The following MICAL2 variants were observed in gnomAD, a reference collection of about 807,000 sequenced individuals.
MICAL2 encodes microtubule associated monooxygenase, calponin and LIM domain containing 2.
Under a neutral mutation model 127.3 loss-of-function variants are expected in MICAL2, and 77 were observed. That is an observed-to-expected ratio of 0.60 (90% CI 0.50 to 0.73). MICAL2 has a LOEUF of 0.73. Among genes scored for constraint, MICAL2 ranks in the 30% least tolerant of loss-of-function variants. MICAL2 has a pLI of 0.00. For missense variants in MICAL2, 1,351 were observed against 1,434.4 expected, an observed-to-expected ratio of 0.94 and a Z score of 0.94; for synonymous variants, 570 against 551.1, an observed-to-expected ratio of 1.03 and a Z score of -0.48.
intron 1 of MICAL2, among the ~76,000 whole-genome samples, chr11:12,134,575 C>T (rs1262571616): frequency 2.6e-5 from 4 of 152,182 alleles, no homozygotes; most frequent in Admixed American, 1.3e-4. Flanking sequence ...CTGGGTCTCA[C>T]TGGGTGTGCA....
chr11:12,195,694 G>T (rs564289471), intron 3 of MICAL2, among the ~76,000 whole-genome samples: 1 of 141,746 alleles, frequency 7.1e-6, no homozygotes, highest in South Asian at 2.4e-4. Context: ...TGTATTTTCT[G>T]CAATAGATTT....
chr11:12,151,367 G>A (rs1033920797), intron 2 of MICAL2, among the ~76,000 whole-genome samples: 3 of 152,036 alleles, frequency 2.0e-5, no homozygotes, highest in Non-Finnish European at 4.4e-5. Context: ...TGCAACAGTC[G>A]GGTAAGAGAC....
chr11:12,147,054 C>T (rs1852998403), intron 2 of MICAL2, among the ~76,000 whole-genome samples: 1 of 150,380 alleles, frequency 6.6e-6, no homozygotes, highest in Admixed American at 6.7e-5. Context: ...ATACCGGGGC[C>T]TGTTATGGGG....
intron 5 of MICAL2, 66 bp from the exon 6 acceptor site, chr11:12,209,431 C>CG (rs565441088): frequency 7.1e-6 from 9 of 1,270,242 alleles, no homozygotes; most frequent in Non-Finnish European, 1.0e-5. Context: ...AGCCACCACA[C>CG]GGGGGGTATA....
chr11:12,229,196 G>A (rs187072469), intron 15 of MICAL2, among the ~76,000 whole-genome samples: 6,808 of 152,240 alleles, frequency 0.045, 350 homozygotes, highest in African/African-American at 0.13. Flanking sequence ...ATGCTGCAGC[G>A]GCTGTTTTGC....
chr11:12,302,276 C>G (rs1565299301), intron 29 of MICAL2, among the ~76,000 whole-genome samples: 1 of 152,098 alleles, frequency 6.6e-6, no homozygotes, highest in African/African-American at 2.4e-5. Context: ...TAGCATATAC[C>G]TGGGGTGGAA....
chr11:12,211,216 C>T (rs1855415689), intron 6 of MICAL2, among the ~76,000 whole-genome samples: 1 of 152,054 alleles, frequency 6.6e-6, no homozygotes, highest in South Asian at 2.1e-4. Context: ...CCCATCTCTA[C>T]TAAAAACACA....
chr11:12,242,565 G>C lies in MICAL2; in HGVS notation c.2557-106G>C. The C allele has an allele frequency of 3.5e-6, 5 of 1,425,964 alleles. No homozygotes were observed. The South Asian group carries it at 5.9e-5, about 17-fold the overall frequency. 88.3% of individuals were successfully genotyped at this position (1,425,964 alleles called of 1,614,324 possible). On this transcript the variant is annotated intron_variant, in intron 19 of 27. Transcript: ENST00000683283. ...TCTCTCATCCTGCTGTGTGTGGTGA[G>C]CAGGCAAGGCCCCCGGCTGCCTCCC...
intron 30 of MICAL2, among the ~76,000 whole-genome samples, chr11:12,322,398 A>T (rs951064364): frequency 4.6e-5 from 7 of 152,290 alleles, no homozygotes; most frequent in African/African-American, 1.2e-4. Context: ...ATTGACAGTC[A>T]ATCTGGTAGT....
intron 32 of MICAL2, among the ~76,000 whole-genome samples, chr11:12,334,709 G>T (rs1381575759): frequency 6.7e-6 from 1 of 148,732 alleles, no homozygotes; most frequent in Non-Finnish European, 1.5e-5. Flanking sequence ...GTGGTGTTTG[G>T]TTTTTTTGTC....
intron 17 of MICAL2, 103 bp downstream of exon 17, chr11:12,239,688 C>T (rs1053748789): frequency 4.1e-5 from 57 of 1,391,300 alleles, no homozygotes; most frequent in Non-Finnish European, 5.2e-5. Flanking sequence ...AGGCCTGGTC[C>T]CAAGGAGACT....
chr11:12,337,834 T>C lies in MICAL2; in HGVS notation c.5515+10568T>C, dbSNP rs992853097. 1.7e-3 allele frequency among the ~76,000 whole-genome samples: 264 copies of C among 152,340 alleles called. 2 individuals are homozygous for C. The highest frequency in any genetic ancestry group is 2.1e-3 in the Admixed American group (32 of 15,298). ...GTCTGAGAGACAGTTTGTTATAATT[T>C]CTGTTCTTTTACATTTGCTGAGGAG... On this transcript the variant is annotated intron_variant, in intron 32 of 34. Coordinates refer to the MICAL2 transcript ENST00000646065.
chr11:12,208,281 G>T (rs1590355542), intron 5 of MICAL2, 142 bp downstream of exon 5: 4 of 553,668 alleles, frequency 7.2e-6, no homozygotes, highest in Non-Finnish European at 1.3e-5. Context: ...GTATTTTACT[G>T]TTTTTTTTTT....
At chr11:12,205,579 G>C (rs1374003383) in intron 4 of MICAL2, among the ~76,000 whole-genome samples, 1 of 152,198 alleles carries the variant, frequency 6.6e-6, no homozygotes, top group Non-Finnish European at 1.5e-5. Flanking sequence ...ACACTATGGG[G>C]AAAGCTCAAG....
intron 30 of MICAL2, among the ~76,000 whole-genome samples, chr11:12,320,583 C>G (rs532162432): frequency 6.6e-6 from 1 of 152,012 alleles, no homozygotes; most frequent in African/African-American, 2.4e-5. Flanking sequence ...AAATGCTTCC[C>G]GGGTAGAAAG....
At chr11:12,198,704 G>T (rs1860265730) in intron 3 of MICAL2, among the ~76,000 whole-genome samples, 1 of 152,176 alleles carries the variant, frequency 6.6e-6, no homozygotes, top group African/African-American at 2.4e-5. Flanking sequence ...CAGGAAGACA[G>T]CACCATGCAT....
intron 32 of MICAL2, among the ~76,000 whole-genome samples, chr11:12,334,575 A>G (rs1478126518): frequency 6.7e-6 from 1 of 149,234 alleles, no homozygotes; most frequent in Non-Finnish European, 1.5e-5. Flanking sequence ...AGCATTAGGT[A>G]TATCTCCTAA....
chr11:12,326,482 A>G (rs1046030326), intron 31 of MICAL2, among the ~76,000 whole-genome samples: 1 of 152,218 alleles, frequency 6.6e-6, no homozygotes, highest in African/African-American at 2.4e-5. Context: ...AGGTGTCTAT[A>G]ATGAACCTAA....
intron 26 of MICAL2, chr11:12,262,015 A>G: frequency 1.0e-6 from 1 of 1,002,014 alleles, no homozygotes. Context: ...GGAATCTCTG[A>G]CTGTCGTGTA....
Sources: gnomAD v4.1 joint callset for allele counts (sites outside exome capture counted in the v4.1 genomes callset) on GRCh38, gnomAD v4.1.1 for gene constraint, MANE v1.5 for transcripts, NCBI Gene and HGNC (gene_info 2026-07-23, HGNC 2026-07-21) for gene names.